The following ZFR variants were observed in gnomAD, a reference collection of about 807,000 sequenced individuals.
The protein encoded by ZFR is zinc finger RNA binding protein.
Under a neutral mutation model 130.7 loss-of-function variants are expected in ZFR, and 19 were observed. That is an observed-to-expected ratio of 0.15 (90% CI 0.10 to 0.21). The LOEUF is 0.21. ZFR is among the 10% of genes least tolerant of loss of function. The probability of loss-of-function intolerance (pLI) is 1.00; values close to 1 mark genes in which losing one functional copy is unlikely to be tolerated. For synonymous variants in ZFR, 466 were observed against 456.9 expected (o/e 1.02, Z -0.25); for missense variants, 872 against 1,321.5 (o/e 0.66, Z 5.27).
chr5:32,376,364 G>A (rs759559169), intron 17 of ZFR, among the ~76,000 whole-genome samples: 1 of 152,054 alleles, frequency 6.6e-6, no homozygotes, highest in Non-Finnish European at 1.5e-5. Flanking sequence ...CAAAGGAGAT[G>A]TGCCAGGCAC....
Position 32,355,082 on chromosome 5 carries a change from C to T in ZFR, c.*678G>A, listed in dbSNP as rs1051373594. On this transcript the variant is annotated 3_prime_UTR_variant, in exon 20 of 20. Transcript: ENST00000265069. ...CATATAGTATATATTAGCTTTTATA[C>T]TGCTAATGCACAACTAACAGCAAAC... is the stretch of plus-strand genomic sequence containing the variant. The T allele has an allele frequency of 1.3e-5, 2 of 152,188 alleles. No individual in the cohort carries two copies. Among genetic ancestry groups the T allele is most frequent in the African/African-American group, 4.8e-5 (2 of 41,436 alleles). 9.4% of individuals were successfully genotyped at this position (152,188 alleles called of 1,614,324 possible). A position where few individuals can be genotyped will look rare whatever the true frequency, so the allele number is the denominator to read the frequency against.
chr5:32,381,399 A>T (rs921436348), intron 15 of ZFR, among the ~76,000 whole-genome samples: 1 of 152,214 alleles, frequency 6.6e-6, no homozygotes, highest in African/African-American at 2.4e-5. Context: ...CACAGCTCTC[A>T]GTGATTTAAA....
At chr5:32,358,001 G>C (rs1205607582) in intron 19 of ZFR, among the ~76,000 whole-genome samples, 1 of 152,200 alleles carries the variant, frequency 6.6e-6, no homozygotes, top group Non-Finnish European at 1.5e-5. Flanking sequence ...TTTATAGGAT[G>C]TTTTGATATC....
At chr5:32,378,467 T>C (rs1006797994) in intron 17 of ZFR, among the ~76,000 whole-genome samples, 2 of 152,220 alleles carry the variant, frequency 1.3e-5, no homozygotes, top group Non-Finnish European at 2.9e-5. Flanking sequence ...AATTAAACTC[T>C]GGAGTCAATA....
At chr5:32,365,798 C>A (rs1752528587) in intron 17 of ZFR, among the ~76,000 whole-genome samples, 1 of 152,130 alleles carries the variant, frequency 6.6e-6, no homozygotes, top group African/African-American at 2.4e-5. Context: ...TGGGGTCTCA[C>A]TATGCTGTCC....
intron 2 of ZFR, among the ~76,000 whole-genome samples, chr5:32,440,762 A>C (rs1324935184): frequency 6.6e-6 from 1 of 152,212 alleles, no homozygotes. Context: ...ATATGCATGA[A>C]CACAAATGAA....
chr5:32,378,973 T>TCC, intron 17 of ZFR, 142 bp downstream of exon 17: 1 of 560,568 alleles, frequency 1.8e-6, no homozygotes, highest in African/African-American at 1.9e-5. Context: ...ATTCTAAGAC[T>TCC]CCCCCAGGAT....
At chr5:32,357,351 C>T (rs1163506812) in intron 19 of ZFR, among the ~76,000 whole-genome samples, 3 of 152,112 alleles carry the variant, frequency 2.0e-5, no homozygotes, top group Non-Finnish European at 4.4e-5. Context: ...CTGCAACCTC[C>T]GCCTCTAGGG....
At chr5:32,401,331 T>G (rs1192977967) in intron 8 of ZFR, among the ~76,000 whole-genome samples, 1 of 152,190 alleles carries the variant, frequency 6.6e-6, no homozygotes, top group Non-Finnish European at 1.5e-5. Context: ...TACAATGTGA[T>G]AAGCACTATA....
At chr5:32,436,273 C>T (rs1754332203) in intron 2 of ZFR, among the ~76,000 whole-genome samples, 1 of 151,286 alleles carries the variant, frequency 6.6e-6, no homozygotes, top group Admixed American at 6.6e-5. Flanking sequence ...CTCGGCCTCC[C>T]GAGTAGCTGG....
chr5:32,429,600 C>T (rs1754157359), intron 2 of ZFR, among the ~76,000 whole-genome samples: 1 of 152,154 alleles, frequency 6.6e-6, no homozygotes, highest in Non-Finnish European at 1.5e-5. Context: ...ATGCATGGGA[C>T]CAGAAGTTTC....
chr5:32,404,161 AT>A (rs1753529130), intron 6 of ZFR, 64 bp from the exon 7 acceptor site: 2 of 1,412,976 alleles, frequency 1.4e-6, no homozygotes, highest in African/African-American at 1.4e-5. Flanking sequence ...AGATTATTCA[AT>A]TCTCAAGAAA....
intron 2 of ZFR, among the ~76,000 whole-genome samples, chr5:32,442,098 A>C (rs2111882202): frequency 6.6e-6 from 1 of 152,364 alleles, no homozygotes; most frequent in South Asian, 2.1e-4. Flanking sequence ...GTCTGCATTT[A>C]GGAAAAACAT....
At chr5:32,357,300 C>T (rs1187778165) in intron 19 of ZFR, among the ~76,000 whole-genome samples, 2 of 152,108 alleles carry the variant, frequency 1.3e-5, no homozygotes, top group Non-Finnish European at 2.9e-5. Context: ...GAGTCTTGCT[C>T]TGTTGCCCAG....
chr5:32,408,721 T>C (rs1467179548), intron 5 of ZFR, among the ~76,000 whole-genome samples: 2 of 152,218 alleles, frequency 1.3e-5, no homozygotes, highest in African/African-American at 4.8e-5. Context: ...TTATAGAAAT[T>C]TTGTTTTAAG....
At chr5:32,434,685 A>G (rs1754296306) in intron 2 of ZFR, among the ~76,000 whole-genome samples, 1 of 152,242 alleles carries the variant, frequency 6.6e-6, no homozygotes, top group African/African-American at 2.4e-5. Flanking sequence ...ATAAAACAGC[A>G]AAATGTTTAA....
In ZFR at chr5:32,355,830, C is replaced by T; in HGVS notation, c.3155G>A (p.Arg1052Lys). 6.2e-7 allele frequency: 1 copy of T among 1,610,686 alleles called. No homozygotes were observed. Among genetic ancestry groups the T allele is most frequent in the Non-Finnish European group, 8.5e-7 (1 of 1,178,882 alleles). Residue 1052 changes from arginine (R) to lysine (K), a missense_variant, in exon 20 of 20, where the codon AGA (arginine) becomes AAA (lysine). Physicochemically the swap from Arg to Lys is conservative, Grantham distance 26. Coordinates refer to ENST00000265069, the MANE Select transcript of ZFR (RefSeq NM_016107.5). ...AAATCCATCAACTCCATCACTATCT[C>T]TTCTTCGTTTCCTGTTGTTGTGGAT... ...FNIHNNRKRR[R>K]DSDGVDGFEA...
chr5:32,425,477 C>A (rs1237077828), intron 2 of ZFR, among the ~76,000 whole-genome samples: 3 of 152,208 alleles, frequency 2.0e-5, no homozygotes, highest in African/African-American at 7.2e-5. Flanking sequence ...TCTCATCTCA[C>A]TGTTTTTGAA....
At chr5:32,398,199 G>T (rs1270676135) in intron 9 of ZFR, among the ~76,000 whole-genome samples, 2 of 152,130 alleles carry the variant, frequency 1.3e-5, no homozygotes, top group Non-Finnish European at 2.9e-5. Context: ...TAAGCATTTA[G>T]ATTTAAATGT....
Sources: gnomAD v4.1 joint callset for allele counts (sites outside exome capture counted in the v4.1 genomes callset) on GRCh38, gnomAD v4.1.1 for gene constraint, MANE v1.5 for transcripts, NCBI Gene and HGNC (gene_info 2026-07-23, HGNC 2026-07-21) for gene names.